Variants in ANO4 observed in about 807,000 individuals in gnomAD.
The protein encoded by ANO4 is anoctamin 4, also known as anoctamin-4.
ANO4 carries 69 observed loss-of-function variants against 141.9 expected under a neutral mutation model. The ratio of observed to expected loss-of-function variants is 0.49; its 90% CI spans 0.40 to 0.59. The LOEUF is 0.59. Ranked by LOEUF, ANO4 falls within the 20% of genes least tolerant of loss-of-function variation. The pLI is 0.00. For missense variants in ANO4, 894 were observed against 1,162.2 expected, an observed-to-expected ratio of 0.77 and a Z score of 3.36; for synonymous variants, 350 against 394.3, an observed-to-expected ratio of 0.89 and a Z score of 1.33.
At chr12:100,990,054 T>C (rs1315026058) in intron 8 of ANO4, among the ~76,000 whole-genome samples, 1 of 151,970 alleles carries the variant, frequency 6.6e-6, no homozygotes, top group Non-Finnish European at 1.5e-5. Flanking sequence ...CATGGATGGG[T>C]ATAGGAGTGG....
rs574059929 is a variant in ANO4, at chr12:101,019,379, T to C, written c.735-655T>C. ...TACTGGAAAGCCGTGTGTGTGTGTGTGCGCACACACACATACACACACATA... is the reference window on the plus strand; with the variant it reads ...TACTGGAAAGCCGTGTGTGTGTGTGCGCGCACACACACATACACACACATA... On this transcript the variant is annotated intron_variant, in intron 8 of 27. Transcript: ENST00000392977. Among the ~76,000 whole-genome samples the C allele has an allele frequency of 1.1e-4, 17 of 152,116 alleles. 1 individual carries two copies. Among genetic ancestry groups the C allele is most frequent in the African/African-American group, 2.9e-4 (12 of 41,520 alleles).
chr12:100,819,410 G>T (rs1174898811), intron 1 of ANO4, among the ~76,000 whole-genome samples: 1 of 151,896 alleles, frequency 6.6e-6, no homozygotes, highest in Non-Finnish European at 1.5e-5. Context: ...CTGTAATTCA[G>T]TTGAAAACTA....
chr12:100,788,356 G>A (rs1179978139), intron 3 of ANO4, among the ~76,000 whole-genome samples: 2 of 152,132 alleles, frequency 1.3e-5, no homozygotes, highest in African/African-American at 2.4e-5. Context: ...GTAATTTAAC[G>A]TTTTTACTCA....
intron 3 of ANO4, among the ~76,000 whole-genome samples, chr12:100,755,965 GA>G (rs2032590815): frequency 6.6e-6 from 1 of 152,132 alleles, no homozygotes; most frequent in African/African-American, 2.4e-5. Flanking sequence ...AAGAGATTCT[GA>G]ATAGTTATCA....
rs183575719 is a variant in ANO4, at chr12:100,895,502, G to A, written c.-140-6144G>A. On this transcript the variant is annotated intron_variant, in intron 1 of 27. Coordinates refer to ENST00000392977, the MANE Select transcript of ANO4 (RefSeq NM_001286615.2). Reference sequence around the variant, plus strand: ...TATTCAGAAAAATTTTCACTTTTTCGGTAGGATTTTTGAGGAGTAAAGAAA... The same window carrying A: ...TATTCAGAAAAATTTTCACTTTTTCAGTAGGATTTTTGAGGAGTAAAGAAA... Among the ~76,000 whole-genome samples, 106 of 151,578 alleles carry A rather than the reference G, an allele frequency of 7.0e-4. 1 individual carries two copies. In the East Asian group the frequency reaches 0.016, roughly 23 times the overall value.
chr12:100,734,496 A>G (rs2136827289), intron 2 of ANO4, among the ~76,000 whole-genome samples: 1 of 152,364 alleles, frequency 6.6e-6, no homozygotes, highest in Non-Finnish European at 1.5e-5. Flanking sequence ...AGTGAAGATA[A>G]TAGCTACAGC....
intron 2 of ANO4, among the ~76,000 whole-genome samples, chr12:100,916,790 G>A (rs2041361817): frequency 6.6e-6 from 1 of 152,110 alleles, no homozygotes; most frequent in Admixed American, 6.6e-5. Context: ...AGCAAGAAGG[G>A]ATTTCTATGG....
At chr12:100,969,178 T>G (rs1189456265) in intron 5 of ANO4, among the ~76,000 whole-genome samples, 1 of 152,174 alleles carries the variant, frequency 6.6e-6, no homozygotes, top group Non-Finnish European at 1.5e-5. Flanking sequence ...ACTAATCATG[T>G]TCATGGATTA....
chr12:100,821,702 T>C (rs1387403344), intron 1 of ANO4, among the ~76,000 whole-genome samples: 1 of 152,050 alleles, frequency 6.6e-6, no homozygotes, highest in African/African-American at 2.4e-5. Context: ...AGTGTGGTAC[T>C]CCAGACCACA....
At chr12:101,112,543 G>T (rs967703212) in intron 24 of ANO4, among the ~76,000 whole-genome samples, 3 of 152,212 alleles carry the variant, frequency 2.0e-5, no homozygotes, top group African/African-American at 7.2e-5. Context: ...GGGATCACAG[G>T]GTCTTCTTAA....
chr12:101,103,070 AG>A (rs2136975666), intron 22 of ANO4, among the ~76,000 whole-genome samples: 1 of 150,680 alleles, frequency 6.6e-6, no homozygotes, highest in South Asian at 2.1e-4. Context: ...CAAACTTGCT[AG>A]CATCTAATGT....
chr12:100,990,962 A>G lies in ANO4; in HGVS notation c.734+3292A>G, dbSNP rs141876099. On this transcript the variant is annotated intron_variant, in intron 8 of 27. Transcript: ENST00000392977. The stretch of plus-strand genomic sequence containing the variant: ...GTGAGGAGGACCTAGTGTTGTTTGA[A>G]AAAAGAGAGTGATCAATGGAAGATG... Among the ~76,000 whole-genome samples, 319 of 152,306 alleles carry G rather than the reference A, an allele frequency of 2.1e-3. 2 individuals are homozygous for G. Among genetic ancestry groups the G allele is most frequent in the African/African-American group, 7.1e-3 (296 of 41,576 alleles).
At chr12:101,121,977 G>A (rs1287175627) in intron 26 of ANO4, among the ~76,000 whole-genome samples, 2 of 151,934 alleles carry the variant, frequency 1.3e-5, no homozygotes, top group African/African-American at 4.8e-5. Flanking sequence ...GGCCAGGCTG[G>A]TCTTAACCTG....
chr12:100,729,625 T>G (rs529544497), intron 1 of ANO4, among the ~76,000 whole-genome samples: 10 of 152,286 alleles, frequency 6.6e-5, no homozygotes, highest in Non-Finnish European at 1.2e-4. Context: ...ATCTCATTCA[T>G]AGTCTCAAGT....
intron 3 of ANO4, among the ~76,000 whole-genome samples, chr12:100,928,201 A>C (rs1748278191): frequency 6.6e-6 from 1 of 152,042 alleles, no homozygotes; most frequent in South Asian, 2.1e-4. Context: ...GCTGGCATAT[A>C]TTGAGCAGAT....
intron 1 of ANO4, among the ~76,000 whole-genome samples, chr12:100,834,436 T>G (rs1274352755): frequency 6.6e-6 from 1 of 152,112 alleles, no homozygotes; most frequent in East Asian, 1.9e-4. Flanking sequence ...TCCCTACCAT[T>G]TTTACCCTTC....
intron 4 of ANO4, among the ~76,000 whole-genome samples, chr12:100,941,144 CTT>C (rs2042493347): frequency 6.7e-6 from 1 of 150,324 alleles, no homozygotes; most frequent in African/African-American, 2.5e-5. Flanking sequence ...TTTTGTGAAA[CTT>C]GTCTCATATT....
chr12:100,989,550 G>GAT (rs2044944264), intron 8 of ANO4, among the ~76,000 whole-genome samples: 2 of 149,710 alleles, frequency 1.3e-5, no homozygotes, highest in African/African-American at 2.5e-5. Flanking sequence ...TGGGTGGGTG[G>GAT]GTGGATGGAT....
chr12:100,775,091 A>G (rs1375859284), intron 3 of ANO4, among the ~76,000 whole-genome samples: 1 of 152,202 alleles, frequency 6.6e-6, no homozygotes, highest in Non-Finnish European at 1.5e-5. Flanking sequence ...GCCTCCTTAA[A>G]TCTTCTCTCC....
Sources: gnomAD v4.1 joint callset for allele counts (sites outside exome capture counted in the v4.1 genomes callset) on GRCh38, gnomAD v4.1.1 for gene constraint, MANE v1.5 for transcripts, NCBI Gene and HGNC (gene_info 2026-07-23, HGNC 2026-07-21) for gene names.